FBN1: variants seen among roughly 807,000 people sequenced by gnomAD.
FBN1 encodes the protein fibrillin 1, also known as fibrillin-1.
In FBN1, 29 loss-of-function variants were observed where a neutral mutation model predicts 365.1. That is an observed-to-expected ratio of 0.08 (90% CI 0.06 to 0.11). The LOEUF (loss-of-function observed/expected upper bound fraction) is 0.11. Among genes scored for constraint, FBN1 ranks in the 10% least tolerant of loss-of-function variants. FBN1 has a pLI of 1.00. For synonymous variants in FBN1, 1,210 were observed against 1,270.5 expected (o/e 0.95, Z 1.01); for missense variants, 2,476 against 3,703.2 (o/e 0.67, Z 8.60).
rs190404665 is a variant in FBN1, at chr15:48,640,054, C to T, written c.164+4552G>A. The stretch of plus-strand genomic sequence containing the variant: ...TTTTTAAAGTATATGCTACACAAGA[C>T]GATAAAGGAACATTTTAATATTCTT... On this transcript the variant is annotated intron_variant, in intron 2 of 65. Coordinates refer to ENST00000316623, the MANE Select transcript of FBN1 (RefSeq NM_000138.5). Among the ~76,000 whole-genome samples the T allele has an allele frequency of 2.5e-3, 379 of 152,124 alleles. 1 individual carries two copies. Among genetic ancestry groups the T allele is most frequent in the African/African-American group, 8.7e-3 (363 of 41,490 alleles).
Position 48,644,889 on chromosome 15 carries a change from CCCGGG to C in FBN1, c.-125_-121del. 2 of 1,050,618 alleles carry C rather than the reference CCCGGG, an allele frequency of 1.9e-6. No individual in the cohort carries two copies. Among genetic ancestry groups the C allele is most frequent in the Non-Finnish European group, 2.4e-6 (2 of 820,892 alleles). The allele number at this position is 1,050,618 out of a possible 1,614,324, so 65.1% of individuals were successfully genotyped here. On this transcript the variant is annotated 5_prime_UTR_variant, in exon 2 of 66. Coordinates refer to ENST00000316623, the MANE Select transcript of FBN1 (RefSeq NM_000138.5). ...GGTCCCGCTATCCCGCCGCCCGTCCCCCGGGCCGGGCTCCTCCCGCCTTCTCCAGG... is the reference window on the plus strand; with the variant it reads ...GGTCCCGCTATCCCGCCGCCCGTCCCCCGGGCTCCTCCCGCCTTCTCCAGG...
chr15:48,486,063 A>G (rs991890980), intron 29 of FBN1, among the ~76,000 whole-genome samples: 1 of 152,226 alleles, frequency 6.6e-6, no homozygotes, highest in Admixed American at 6.5e-5. Flanking sequence ...CTTCAAAATG[A>G]TTACACTGTG....
intron 23 of FBN1, 127 bp from the exon 24 acceptor site, chr15:48,492,713 A>T (rs1050535224): frequency 1.3e-6 from 1 of 783,000 alleles, no homozygotes; most frequent in Non-Finnish European, 2.1e-6. Context: ...TTTGCCTACA[A>T]GTAGTTTGTG....
chr15:48,554,992 T>C (rs1472706551), intron 6 of FBN1, among the ~76,000 whole-genome samples: 1 of 152,228 alleles, frequency 6.6e-6, no homozygotes, highest in Non-Finnish European at 1.5e-5. Context: ...ACATGCATCA[T>C]TTAATTGGTT....
chr15:48,492,605 T>A lies in FBN1; in HGVS notation c.2729-19A>T, dbSNP rs772340153. On this transcript the variant is annotated intron_variant, in intron 23 of 65. Transcript: ENST00000316623. ...TCTATATCTAAAAAGAAAAAAAAAG[T>A]ATAAAGTTAATATATCTTTATAATA... The A allele has an allele frequency of 2.7e-6, 4 of 1,499,772 alleles. No homozygotes were observed. The South Asian group carries it at 4.6e-5, about 17-fold the overall frequency. The allele number at this position is 1,499,772 out of a possible 1,614,324, so 92.9% of individuals were successfully genotyped here.
intron 6 of FBN1, among the ~76,000 whole-genome samples, chr15:48,589,891 C>T (rs543263788): frequency 6.6e-6 from 1 of 152,212 alleles, no homozygotes; most frequent in African/African-American, 2.4e-5. Flanking sequence ...GCTGGGATTA[C>T]AGGCGTGAGC....
intron 15 of FBN1, 148 bp from the exon 16 acceptor site, chr15:48,505,295 T>C: frequency 2.1e-6 from 2 of 930,342 alleles, no homozygotes; most frequent in Non-Finnish European, 3.4e-6. Context: ...GCATTCTCAT[T>C]TTCCTTTGAA....
At chr15:48,600,979 G>A (rs2044561167) in intron 4 of FBN1, among the ~76,000 whole-genome samples, 1 of 152,092 alleles carries the variant, frequency 6.6e-6, no homozygotes, top group Non-Finnish European at 1.5e-5. Flanking sequence ...TTTAGAGGCA[G>A]AATAGAGAAA....
At chr15:48,479,532 A>G (rs2043450792) in intron 32 of FBN1, among the ~76,000 whole-genome samples, 1 of 152,234 alleles carries the variant, frequency 6.6e-6, no homozygotes, top group Admixed American at 6.5e-5. Flanking sequence ...GGATTTTAGC[A>G]AATTGGAAAA....
intron 6 of FBN1, among the ~76,000 whole-genome samples, chr15:48,562,926 G>T (rs1473187237): frequency 6.6e-6 from 1 of 152,160 alleles, no homozygotes; most frequent in Non-Finnish European, 1.5e-5. Flanking sequence ...TTATTTAAAT[G>T]AAGAGATTGT....
intron 17 of FBN1, among the ~76,000 whole-genome samples, chr15:48,502,122 G>A (rs2043665064): frequency 6.6e-6 from 1 of 152,116 alleles, no homozygotes; most frequent in South Asian, 2.1e-4. Context: ...TCCACCTCCT[G>A]GATTCAAGTG....
intron 2 of FBN1, among the ~76,000 whole-genome samples, chr15:48,626,703 CTT>C (rs898129254): frequency 1.3e-5 from 2 of 151,724 alleles, no homozygotes; most frequent in African/African-American, 2.4e-5. Context: ...CAGTCAAAAA[CTT>C]AAGTTTTTTT....
chr15:48,526,113 T>C lies in FBN1; in HGVS notation c.988+17A>G, dbSNP rs778476790. 8.7e-6 allele frequency: 14 copies of C among 1,613,862 alleles called. No homozygotes were observed. The highest frequency in any genetic ancestry group is 1.0e-5 in the Non-Finnish European group (12 of 1,179,872). On this transcript the variant is annotated intron_variant, in intron 9 of 65. Transcript: ENST00000316623. ...TGACTTACACAAACCATGCATGCTGTTTGTCATTAAACCTACCTATGCATC... is the reference window on the plus strand; with the variant it reads ...TGACTTACACAAACCATGCATGCTGCTTGTCATTAAACCTACCTATGCATC...
At chr15:48,530,218 C>G (rs1177549761) in intron 8 of FBN1, among the ~76,000 whole-genome samples, 1 of 130,504 alleles carries the variant, frequency 7.7e-6, no homozygotes, top group Admixed American at 7.9e-5. Flanking sequence ...GAATTCTTAT[C>G]CATGCTGCAT....
In FBN1 at chr15:48,470,615, A is replaced by G; in HGVS notation, c.4459+19T>C. ...CCGGGACACCAGGGAGCTGATTTTGATGCCAGTGGAGGTCTTACCTGTGCA... is the reference window on the plus strand; with the variant it reads ...CCGGGACACCAGGGAGCTGATTTTGGTGCCAGTGGAGGTCTTACCTGTGCA... On this transcript the variant is annotated intron_variant, in intron 36 of 65. Transcript: ENST00000316623. 6.2e-7 allele frequency: 1 copy of G among 1,613,504 alleles called. No homozygotes were observed. The highest frequency in any genetic ancestry group is 8.5e-7 in the Non-Finnish European group (1 of 1,179,944).
chr15:48,479,437 C>A (rs1452928023), intron 32 of FBN1, among the ~76,000 whole-genome samples: 4 of 152,158 alleles, frequency 2.6e-5, no homozygotes, highest in African/African-American at 9.7e-5. Flanking sequence ...ATTCAGGGTA[C>A]TACTCCTTCA....
At chr15:48,419,269 C>T (rs987084918) in intron 63 of FBN1, among the ~76,000 whole-genome samples, 1 of 152,126 alleles carries the variant, frequency 6.6e-6, no homozygotes, top group African/African-American at 2.4e-5. Flanking sequence ...GCAGAATCTC[C>T]AGGACACTAG....
At chr15:48,422,216 CAG>C in intron 60 of FBN1, 148 bp from the exon 61 acceptor site, 1 of 691,074 alleles carries the variant, frequency 1.4e-6, no homozygotes, top group East Asian at 2.7e-5. Context: ...AGGAGAGACA[CAG>C]GGGGTAAAGA....
intron 2 of FBN1, among the ~76,000 whole-genome samples, chr15:48,629,501 G>A (rs1019457963): frequency 2.6e-5 from 4 of 152,110 alleles, no homozygotes; most frequent in Non-Finnish European, 5.9e-5. Flanking sequence ...AATATTCACT[G>A]AATATTTGAT....
Sources: gnomAD v4.1 joint callset for allele counts (sites outside exome capture counted in the v4.1 genomes callset) on GRCh38, gnomAD v4.1.1 for gene constraint, MANE v1.5 for transcripts, NCBI Gene and HGNC (gene_info 2026-07-23, HGNC 2026-07-21) for gene names.